The following RASGRF2 variants were observed in gnomAD, a reference collection of about 807,000 sequenced individuals.
The protein encoded by RASGRF2 is Ras protein specific guanine nucleotide releasing factor 2.
Under a neutral mutation model 151.0 loss-of-function variants are expected in RASGRF2, and 76 were observed. That is an observed-to-expected ratio of 0.50 (90% CI 0.42 to 0.61). The LOEUF (loss-of-function observed/expected upper bound fraction) is 0.61, where lower values mean the gene tolerates loss of function less well. Ranked by LOEUF, RASGRF2 falls within the 20% of genes least tolerant of loss-of-function variation. The pLI is 0.00. For missense variants in RASGRF2, 1,148 were observed against 1,564.6 expected, an observed-to-expected ratio of 0.73 and a Z score of 4.49; for synonymous variants, 504 against 566.5, an observed-to-expected ratio of 0.89 and a Z score of 1.57.
intron 5 of RASGRF2, among the ~76,000 whole-genome samples, chr5:81,079,099 G>T (rs1752016381): frequency 6.6e-6 from 1 of 152,144 alleles, no homozygotes; most frequent in African/African-American, 2.4e-5. Flanking sequence ...CTTTCCAAGT[G>T]CATCTATTAG....
intron 17 of RASGRF2, among the ~76,000 whole-genome samples, chr5:81,134,442 T>G (rs1561224950): frequency 6.6e-6 from 1 of 152,144 alleles, no homozygotes; most frequent in Non-Finnish European, 1.5e-5. Context: ...GGTGGAAGCC[T>G]GAGAGCTCAG....
chr5:81,211,200 T>C (rs1490337723), intron 22 of RASGRF2, among the ~76,000 whole-genome samples: 1 of 150,062 alleles, frequency 6.7e-6, no homozygotes, highest in Admixed American at 6.6e-5. Flanking sequence ...AGAAGCCTCC[T>C]CTGTACTAGA....
intron 17 of RASGRF2, among the ~76,000 whole-genome samples, chr5:81,174,979 T>A (rs1294791229): frequency 6.6e-6 from 1 of 152,232 alleles, no homozygotes; most frequent in Non-Finnish European, 1.5e-5. Flanking sequence ...GTTTACTAAC[T>A]TGCAAGAGAA....
chr5:81,224,118 T>C (rs1755920748), intron 26 of RASGRF2, among the ~76,000 whole-genome samples: 2 of 152,090 alleles, frequency 1.3e-5, no homozygotes, highest in African/African-American at 4.8e-5. Context: ...CCATAATCTA[T>C]AAGAAAAGCA....
chr5:81,094,941 G>A lies in RASGRF2; in HGVS notation c.1704G>A (p.Leu568=). ...PPDAAAFTVV[L]LAPSRQEKAA... ...ACGCTGCCGCCTTCACTGTTGTCTT[G>A]TTAGCACCCTCACGCCAGGAGAAAG... The change falls in exon 12 of 27, where the codon TTG becomes TTA. Residue 568 remains leucine (L), a synonymous_variant. Coordinates refer to ENST00000265080, the MANE Select transcript of RASGRF2 (RefSeq NM_006909.3). 6.3e-7 allele frequency: 1 copy of A among 1,599,186 alleles called. No homozygotes were observed.
intron 24 of RASGRF2, among the ~76,000 whole-genome samples, chr5:81,216,398 C>T (rs555230510): frequency 1.7e-4 from 25 of 147,254 alleles, no homozygotes; most frequent in African/African-American, 6.0e-4. Context: ...CACACACACA[C>T]GCAGAGAGAG....
intron 15 of RASGRF2, among the ~76,000 whole-genome samples, chr5:81,122,564 T>G (rs1478774691): frequency 6.6e-6 from 1 of 152,196 alleles, no homozygotes; most frequent in African/African-American, 2.4e-5. Flanking sequence ...ATGAAGTCAT[T>G]AGAGATTTTT....
chr5:81,201,588 C>T, intron 19 of RASGRF2, 146 bp downstream of exon 19: 1 of 927,438 alleles, frequency 1.1e-6, no homozygotes, highest in East Asian at 2.8e-5. Context: ...TCTTCTCTTT[C>T]CTGGGGGCAA....
chr5:81,088,657 A>G (rs1355086402), intron 9 of RASGRF2: 1 of 151,974 alleles, frequency 6.6e-6, no homozygotes, highest in Non-Finnish European at 1.5e-5. Flanking sequence ...ATAGTATGTG[A>G]GAATGGAGAC....
At chr5:81,185,211 GT>G (rs1219573228) in intron 18 of RASGRF2, among the ~76,000 whole-genome samples, 1 of 152,234 alleles carries the variant, frequency 6.6e-6, no homozygotes, top group African/African-American at 2.4e-5. Flanking sequence ...TATGGGGAAG[GT>G]GGGGAGATGC....
chr5:81,099,352 G>T (rs966764915), intron 12 of RASGRF2, among the ~76,000 whole-genome samples: 66 of 152,070 alleles, frequency 4.3e-4, no homozygotes, highest in African/African-American at 1.5e-3. Context: ...TCAATTTACT[G>T]CTTTTATAGC....
intron 1 of RASGRF2, among the ~76,000 whole-genome samples, chr5:81,002,827 A>G (rs1749120944): frequency 6.6e-6 from 1 of 152,168 alleles, no homozygotes; most frequent in Non-Finnish European, 1.5e-5. Context: ...TTGGCATCAT[A>G]TTACATTTAT....
At chr5:81,190,629 C>A (rs1755136209) in intron 18 of RASGRF2, among the ~76,000 whole-genome samples, 1 of 151,872 alleles carries the variant, frequency 6.6e-6, no homozygotes, top group African/African-American at 2.4e-5. Context: ...TATTCTTTTT[C>A]TCTGGTCCAG....
chr5:81,121,672 C>G (rs1487403347), intron 15 of RASGRF2, among the ~76,000 whole-genome samples: 2 of 152,226 alleles, frequency 1.3e-5, no homozygotes, highest in Non-Finnish European at 2.9e-5. Flanking sequence ...ACCCTCTCTT[C>G]TCATTACCAG....
chr5:80,984,254 A>G (rs1001922889), intron 1 of RASGRF2, among the ~76,000 whole-genome samples: 1 of 152,276 alleles, frequency 6.6e-6, no homozygotes, highest in African/African-American at 2.4e-5. Context: ...GGGTTTTGCC[A>G]TGTTGGCTCA....
intron 1 of RASGRF2, among the ~76,000 whole-genome samples, chr5:80,987,402 T>C (rs1182708856): frequency 6.6e-6 from 1 of 152,162 alleles, no homozygotes; most frequent in Non-Finnish European, 1.5e-5. Context: ...AACACATTGG[T>C]TGAATGTAGA....
At chr5:81,177,372 A>G (rs1346275749) in intron 17 of RASGRF2, among the ~76,000 whole-genome samples, 2 of 151,840 alleles carry the variant, frequency 1.3e-5, no homozygotes, top group African/African-American at 4.8e-5. Flanking sequence ...TTCGAAGAGG[A>G]GTAAGGAGAA....
rs1342005427 is a variant in RASGRF2, at chr5:81,227,877, C to A, written c.*2107C>A. 1 of 152,186 alleles carries A rather than the reference C, an allele frequency of 6.6e-6. No homozygotes were observed. Among genetic ancestry groups the A allele is most frequent in the East Asian group, 1.9e-4 (1 of 5,194 alleles). The allele number at this position is 152,186 out of a possible 1,614,324, so 9.4% of individuals were successfully genotyped here. On this transcript the variant is annotated 3_prime_UTR_variant, in exon 27 of 27. Coordinates refer to ENST00000265080, the MANE Select transcript of RASGRF2 (RefSeq NM_006909.3). ...TGTGCACTTTTTCTGGAAGTTCGGACTCATTTCTTTGACCCAAATGTTCCA... is the reference window on the plus strand; with the variant it reads ...TGTGCACTTTTTCTGGAAGTTCGGAATCATTTCTTTGACCCAAATGTTCCA...
At chr5:81,180,555 G>A (rs762894974) in intron 18 of RASGRF2, among the ~76,000 whole-genome samples, 3 of 152,032 alleles carry the variant, frequency 2.0e-5, no homozygotes, top group Non-Finnish European at 2.9e-5. Context: ...ACTCACCCAT[G>A]GGCACCTGAG....
Sources: gnomAD v4.1 joint callset for allele counts (sites outside exome capture counted in the v4.1 genomes callset) on GRCh38, gnomAD v4.1.1 for gene constraint, MANE v1.5 for transcripts, NCBI Gene and HGNC (gene_info 2026-07-23, HGNC 2026-07-21) for gene names.